Variants in IDE observed in about 807,000 individuals in gnomAD.
IDE encodes insulin degrading enzyme.
Under a neutral mutation model 133.2 loss-of-function variants are expected in IDE, and 58 were observed. The ratio of observed to expected loss-of-function variants is 0.44; its 90% CI spans 0.35 to 0.54. The LOEUF is 0.54. Among genes scored for constraint, IDE ranks in the 20% least tolerant of loss-of-function variants. The pLI, the probability that IDE is intolerant of heterozygous loss-of-function variation, is 0.00. For synonymous variants in IDE, 396 were observed against 421.3 expected, an observed-to-expected ratio of 0.94 and a Z score of 0.73; for missense variants, 981 against 1,234.0, an observed-to-expected ratio of 0.79 and a Z score of 3.07.
At chr10:92,565,628 G>C (rs1843501465) in intron 1 of IDE, among the ~76,000 whole-genome samples, 1 of 151,722 alleles carries the variant, frequency 6.6e-6, no homozygotes, top group Non-Finnish European at 1.5e-5. Flanking sequence ...TCTAAACATA[G>C]ATTATTTTTC....
intron 11 of IDE, among the ~76,000 whole-genome samples, chr10:92,501,410 G>A (rs1464370762): frequency 1.6e-5 from 2 of 123,490 alleles, no homozygotes; most frequent in Non-Finnish European, 1.6e-5. Context: ...ATTGGCTCAC[G>A]CCTGTAATCC....
At chr10:92,515,261 CTTTTT>C (rs1220283000) in intron 4 of IDE, among the ~76,000 whole-genome samples, 2 of 139,030 alleles carry the variant, frequency 1.4e-5, no homozygotes, top group African/African-American at 2.6e-5. Context: ...TTAAAAGTGT[CTTTTT>C]TTTTTTTTTT....
At chr10:92,483,474 G>A in intron 13 of IDE, 137 bp from the exon 14 acceptor site, 2 of 613,428 alleles carry the variant, frequency 3.3e-6, no homozygotes, top group South Asian at 3.9e-5. Context: ...CATGGGCCTT[G>A]AAGCATACTC....
chr10:92,503,213 G>GC (rs1848120519), intron 11 of IDE, among the ~76,000 whole-genome samples: 3 of 152,160 alleles, frequency 2.0e-5, no homozygotes, highest in Admixed American at 2.0e-4. Flanking sequence ...CGGACTGCTT[G>GC]AGGCCAGGAG....
chr10:92,535,667 C>T (rs1172031867), intron 2 of IDE, among the ~76,000 whole-genome samples: 2 of 152,126 alleles, frequency 1.3e-5, no homozygotes, highest in African/African-American at 4.8e-5. Flanking sequence ...TTCTTCAGTT[C>T]TAAAATGACA....
intron 1 of IDE, among the ~76,000 whole-genome samples, chr10:92,547,698 T>C (rs749672124): frequency 6.6e-6 from 1 of 152,164 alleles, no homozygotes; most frequent in Non-Finnish European, 1.5e-5. Context: ...TCCACTCATA[T>C]GTACAGAAGA....
At chr10:92,485,157 C>T (rs1333985977) in intron 13 of IDE, among the ~76,000 whole-genome samples, 22 of 90,396 alleles carry the variant, frequency 2.4e-4, no homozygotes, top group African/African-American at 9.8e-4. Context: ...GACAGAGTTT[C>T]GCTCTTGTTA....
intron 4 of IDE, among the ~76,000 whole-genome samples, chr10:92,524,312 T>A (rs139550538): frequency 0.02 from 1,795 of 91,996 alleles, 37 homozygotes; most frequent in East Asian, 0.044. Flanking sequence ...CTCAAAAAAA[T>A]ATATATAATA....
At chr10:92,503,105 T>A (rs1278160545) in intron 11 of IDE, among the ~76,000 whole-genome samples, 1 of 152,132 alleles carries the variant, frequency 6.6e-6, no homozygotes, top group African/African-American at 2.4e-5. Context: ...TATTCCAATT[T>A]AAAAATTCTA....
chr10:92,548,359 CAAAAAAAAAAAAAAAAA>C (rs56347361), intron 1 of IDE, among the ~76,000 whole-genome samples: 3 of 39,702 alleles, frequency 7.6e-5, no homozygotes, highest in Admixed American at 3.9e-4. Context: ...AACTCCATCT[CAAAAAAAAAAAAAAAAA>C]AAAAAAAAAA....
intron 23 of IDE, among the ~76,000 whole-genome samples, chr10:92,456,153 T>C (rs1844995318): frequency 6.6e-6 from 1 of 152,188 alleles, no homozygotes; most frequent in South Asian, 2.1e-4. Context: ...TGTGATGCTG[T>C]GGCTAGCTCG....
At chr10:92,523,532 T>TAA (rs35361515) in intron 4 of IDE, among the ~76,000 whole-genome samples, 2 of 132,112 alleles carry the variant, frequency 1.5e-5, no homozygotes, top group Non-Finnish European at 3.3e-5. Flanking sequence ...GGTCTCTACT[T>TAA]AAAAAAAAAA....
rs1845648187 is a variant in IDE at position 92,465,722 on chromosome 10, A to C, written c.2442T>G (p.Ile814Met). ...GGGTGTTGAAGCAAGGTTCCGAGAT[A>C]ATCTGACAGAAGAGCTCCAGAAACA... is the stretch of plus-strand genomic sequence containing the variant. The part of the protein sequence containing the change: ...ENMFLELFCQ[I>M]ISEPCFNTLR... Residue 814 changes from isoleucine to methionine, a missense_variant, in exon 20 of 25, where the codon ATT becomes ATG. Around this residue, in one of 2 missense-constraint regions of IDE, gnomAD observed 660 missense variants for 894.7 expected, o/e 0.74. Transcript: ENST00000265986. The C allele has an allele frequency of 6.2e-7, 1 of 1,613,956 alleles. No individual in the cohort carries two copies. The highest frequency in any genetic ancestry group is 1.3e-5 in the African/African-American group (1 of 74,922).
rs374132274 is a variant in IDE at position 92,537,486 on chromosome 10, T to C, written c.163A>G (p.Thr55Ala). The change falls in exon 2 of 25, where the codon ACC becomes GCC. Residue 55 changes from threonine (T) to alanine (A), a missense_variant. This residue lies in a region of IDE where 321 missense variants were observed against 339.3 expected (regional missense o/e 0.95). Coordinates refer to ENST00000265986, the MANE Select transcript of IDE (RefSeq NM_004969.4). ...PAIKRIGNHITKSPEDKREYR... is the reference protein window; with the variant it reads ...PAIKRIGNHIAKSPEDKREYR... ...TCTCGCTTGTCTTCAGGAGACTTGG[T>C]AATGTGATTTCCTATTCTCTTGATG... The C allele has an allele frequency of 6.2e-7, 1 of 1,613,714 alleles. No homozygotes were observed. The highest frequency in any genetic ancestry group is 1.3e-5 in the African/African-American group (1 of 74,934).
intron 7 of IDE, 58 bp downstream of exon 7, chr10:92,508,670 G>C: frequency 6.7e-7 from 1 of 1,501,794 alleles, no homozygotes; most frequent in Non-Finnish European, 9.2e-7. Flanking sequence ...AGGAGAAAAT[G>C]AGAGCCAGAG....
intron 13 of IDE, among the ~76,000 whole-genome samples, chr10:92,486,433 C>T (rs941308550): frequency 2.6e-5 from 4 of 152,090 alleles, no homozygotes; most frequent in African/African-American, 9.7e-5. Context: ...TTCCTAAACA[C>T]TAATTGTTAT....
At chr10:92,488,763 C>G (rs978021877) in intron 12 of IDE, among the ~76,000 whole-genome samples, 5 of 146,560 alleles carry the variant, frequency 3.4e-5, no homozygotes, top group African/African-American at 1.0e-4. Context: ...GGCAACAGTA[C>G]GAGACTCTGT....
rs781200336 is a variant in IDE at position 92,547,218 on chromosome 10, C to CA, written c.99-9669dup. On this transcript the variant is annotated intron_variant, in intron 1 of 24. Transcript: ENST00000265986. ...CCTCCTGCGCAGCTGGGACTACAGG[C>CA]ATACGCCACCATGCCCGGCTAATTT... Among the ~76,000 whole-genome samples, 11 of 151,340 alleles carry CA rather than the reference C, an allele frequency of 7.3e-5. 1 individual carries two copies. The highest frequency in any genetic ancestry group is 1.6e-4 in the Non-Finnish European group (11 of 67,910).
At position 92,475,868 on chromosome 10, in the gene IDE, G is replaced by A; in HGVS notation, c.1995+16C>T. 1 of 927,832 alleles carries A rather than the reference G, an allele frequency of 1.1e-6. No homozygotes were observed. Among genetic ancestry groups the A allele is most frequent in the Non-Finnish European group, 1.7e-6 (1 of 594,712 alleles). The allele number at this position is 927,832 out of a possible 1,614,324, so 57.5% of individuals were successfully genotyped here. A position where few individuals can be genotyped will look rare whatever the true frequency, so the allele number is the denominator to read the frequency against. ...TATTATCTTATGAATAAAAAAGCAG[G>A]GTTCAGAAAACTTACTGCTTCTTTG... On this transcript the variant is annotated intron_variant, in intron 16 of 24. Transcript: ENST00000265986.
Sources: allele counts gnomAD v4.1 joint callset (sites outside exome capture counted in the v4.1 genomes callset), GRCh38; gene constraint gnomAD v4.1.1; regional missense constraint gnomAD v4.1.1; transcripts MANE v1.5; gene names NCBI Gene and HGNC (gene_info 2026-07-23, HGNC 2026-07-21).